ZC3H12B: variants seen among roughly 807,000 people sequenced by gnomAD.
ZC3H12B encodes zinc finger CCCH-type containing 12B.
Under a neutral mutation model 43.9 loss-of-function variants are expected in ZC3H12B, and 7 were observed. That is an observed-to-expected ratio of 0.16 (90% confidence interval 0.09 to 0.30). The LOEUF (loss-of-function observed/expected upper bound fraction) is 0.30. Among genes scored for constraint, ZC3H12B ranks in the 10% least tolerant of loss-of-function variants. The pLI is 1.00. For synonymous variants in ZC3H12B, 222 were observed against 241.7 expected (o/e 0.92, Z 0.76); for missense variants, 475 against 670.2 (o/e 0.71, Z 3.22).
the ZC3H12B span, among the ~76,000 whole-genome samples, chrX:65,109,239 G>A: frequency 9.0e-6 from 1 of 111,500 alleles, no homozygotes; most frequent in Non-Finnish European, 1.9e-5. Context: ...TGCTTAAAGT[G>A]TACAATTTGA....
At chrX:65,212,487 A>G in the ZC3H12B span, among the ~76,000 whole-genome samples, 1 of 68,705 alleles carries the variant, frequency 1.5e-5, no homozygotes, top group Non-Finnish European at 2.4e-5. Context: ...AATAATATAT[A>G]TTATATAATA....
chrX:65,406,026 A>G (rs2066816961), intron 3 of ZC3H12B, among the ~76,000 whole-genome samples: 1 of 111,919 alleles, frequency 8.9e-6, no homozygotes, highest in Non-Finnish European at 1.9e-5. Flanking sequence ...AAGAAAAGCT[A>G]GGGACCCAGT....
At chrX:65,181,493 G>A in the ZC3H12B span, among the ~76,000 whole-genome samples, 4 of 111,306 alleles carry the variant, frequency 3.6e-5, no homozygotes, top group East Asian at 8.4e-4. Flanking sequence ...GAAATTTTTT[G>A]CAATCTATCC....
chrX:65,396,668 T>C (rs1267063918), intron 2 of ZC3H12B, among the ~76,000 whole-genome samples: 1 of 110,945 alleles, frequency 9.0e-6, no homozygotes, highest in Non-Finnish European at 1.9e-5. Flanking sequence ...CTGAGAAGAA[T>C]GTATATTCTG....
the ZC3H12B span, among the ~76,000 whole-genome samples, chrX:65,155,995 T>G: frequency 9.0e-6 from 1 of 111,615 alleles, no homozygotes; most frequent in Non-Finnish European, 1.9e-5. Flanking sequence ...TTTCCACTAC[T>G]AGATCATTTT....
the ZC3H12B span, among the ~76,000 whole-genome samples, chrX:65,097,473 A>C: frequency 9.0e-6 from 1 of 111,714 alleles, no homozygotes; most frequent in Non-Finnish European, 1.9e-5. Flanking sequence ...ATTTTAGAAA[A>C]GGCAGAAAAT....
chrX:65,144,110 G>A, the ZC3H12B span, among the ~76,000 whole-genome samples: 4 of 111,511 alleles, frequency 3.6e-5, no homozygotes, highest in African/African-American at 1.3e-4. Context: ...GTAGAATTCT[G>A]CTGTGAATCA....
At chrX:65,087,895 A>G in the ZC3H12B span, among the ~76,000 whole-genome samples, 1 of 112,464 alleles carries the variant, frequency 8.9e-6, no homozygotes, top group African/African-American at 3.2e-5. Context: ...AATCAATTTC[A>G]TATGTTATAG....
chrX:65,406,281 A>G (rs1387807934), intron 3 of ZC3H12B, among the ~76,000 whole-genome samples: 1 of 108,870 alleles, frequency 9.2e-6, no homozygotes, highest in Non-Finnish European at 1.9e-5. Flanking sequence ...GTTACATTAA[A>G]AAAAAAAAAT....
the ZC3H12B span, among the ~76,000 whole-genome samples, chrX:65,069,083 A>T: frequency 9.2e-6 from 1 of 109,013 alleles, no homozygotes; most frequent in Non-Finnish European, 1.9e-5. Flanking sequence ...TGGGAGTTTG[A>T]TTATTAAATG....
the ZC3H12B span, among the ~76,000 whole-genome samples, chrX:65,205,000 G>C: frequency 1.8e-5 from 2 of 111,487 alleles, no homozygotes; most frequent in Middle Eastern, 4.2e-3. Flanking sequence ...TATTCTTCCA[G>C]CCTTGGAACT....
chrX:65,472,970 G>A (rs2067942869), intron 3 of ZC3H12B, among the ~76,000 whole-genome samples: 1 of 79,320 alleles, frequency 1.3e-5, no homozygotes, highest in African/African-American at 7.2e-5. Flanking sequence ...GTATGTGTAT[G>A]TGTGTGTATA....
the ZC3H12B span, among the ~76,000 whole-genome samples, chrX:65,284,237 G>GAC: frequency 0.025 from 2,156 of 87,034 alleles, 99 homozygotes; most frequent in African/African-American, 0.1. Flanking sequence ...TCAATGTAAG[G>GAC]ACACACACAC....
the ZC3H12B span, among the ~76,000 whole-genome samples, chrX:65,089,232 C>T: frequency 8.1e-5 from 9 of 111,346 alleles, no homozygotes; most frequent in East Asian, 2.8e-4. Context: ...AATGTACTTA[C>T]GCAAACCTAG....
At chrX:65,067,965 A>G in the ZC3H12B span, among the ~76,000 whole-genome samples, 1 of 109,334 alleles carries the variant, frequency 9.1e-6, no homozygotes, top group Admixed American at 9.7e-5. Context: ...ACATTTTTCA[A>G]TTTTTTTTCT....
intron 3 of ZC3H12B, among the ~76,000 whole-genome samples, chrX:65,415,281 C>A (rs1220016596): frequency 8.9e-6 from 1 of 112,305 alleles, no homozygotes; most frequent in East Asian, 2.8e-4. Context: ...TCTCAGCAAA[C>A]CTAAAAATTA....
At chrX:65,321,939 T>TAATC in the ZC3H12B span, among the ~76,000 whole-genome samples, 18 of 111,059 alleles carry the variant, frequency 1.6e-4, 1 homozygote, top group Non-Finnish European at 1.9e-5. Context: ...ACCTATCAGG[T>TAATC]ACCATGTTTA....
chrX:65,180,720 C>G, the ZC3H12B span, among the ~76,000 whole-genome samples: 69 of 110,810 alleles, frequency 6.2e-4, no homozygotes, highest in African/African-American at 2.1e-3. Flanking sequence ...CGTGTAGGAC[C>G]TCTTCAAGCA....
At chrX:65,310,078 G>C in the ZC3H12B span, among the ~76,000 whole-genome samples, 1 of 111,912 alleles carries the variant, frequency 8.9e-6, no homozygotes, top group African/African-American at 3.3e-5. Flanking sequence ...CATTCTCTTT[G>C]AAAACTGGCA....
Sources: gnomAD v4.1 joint callset for allele counts (sites outside exome capture counted in the v4.1 genomes callset) on GRCh38, gnomAD v4.1.1 for gene constraint, MANE v1.5 for transcripts, NCBI Gene and HGNC (gene_info 2026-07-23, HGNC 2026-07-21) for gene names.